Variants in RPGRIP1L observed in about 807,000 individuals in gnomAD.
RPGRIP1L encodes protein fantom.
A neutral mutation model predicts 160.4 loss-of-function variants in RPGRIP1L; 131 were observed. That is an observed-to-expected ratio of 0.82 (90% CI 0.71 to 0.94). RPGRIP1L has a LOEUF of 0.94. RPGRIP1L is among the 40% of genes least tolerant of loss of function. RPGRIP1L has a pLI of 0.00. For synonymous variants in RPGRIP1L, 510 were observed against 515.8 expected (o/e 0.99, Z 0.15); for missense variants, 1,522 against 1,535.8 (o/e 0.99, Z 0.15).
At chr16:53,644,669 C>T (rs983290936) in intron 17 of RPGRIP1L, among the ~76,000 whole-genome samples, 1 of 152,136 alleles carries the variant, frequency 6.6e-6, no homozygotes, top group Non-Finnish European at 1.5e-5. Context: ...GTCTGATGTA[C>T]TCAAAGTGCA....
At chr16:53,644,649 G>C (rs1229419920) in intron 17 of RPGRIP1L, among the ~76,000 whole-genome samples, 1 of 152,206 alleles carries the variant, frequency 6.6e-6, no homozygotes, top group East Asian at 1.9e-4. Context: ...ATGGATGCCA[G>C]AAGTAAGTGG....
intron 22 of RPGRIP1L, among the ~76,000 whole-genome samples, chr16:53,623,045 C>T (rs75524573): frequency 0.051 from 7,760 of 152,176 alleles, 397 homozygotes; most frequent in East Asian, 0.3. Flanking sequence ...CTCAATGATT[C>T]ACTGAATTGT....
Position 53,672,930 on chromosome 16 carries a change from T to C in RPGRIP1L, c.969A>G (p.Lys323=), listed in dbSNP as rs1206054770. ...LNMQLKEQRL[K]CCSLEKQLHS... ...GTAATTGTTTCTCAAGACTGCAGCATTTTAAACGCTGCTCTTTAAGTTGCA... is the reference window on the plus strand; with the variant it reads ...GTAATTGTTTCTCAAGACTGCAGCACTTTAAACGCTGCTCTTTAAGTTGCA... Residue 323 remains lysine (K), a synonymous_variant, in exon 8 of 27, where the codon AAA becomes AAG. Coordinates refer to ENST00000647211, the MANE Select transcript of RPGRIP1L (RefSeq NM_015272.5). The C allele has an allele frequency of 6.2e-7, 1 of 1,613,134 alleles. No homozygotes were observed. The highest frequency in any genetic ancestry group is 1.7e-5 in the Admixed American group (1 of 59,984).
chr16:53,614,974 A>G (rs1000456099), intron 24 of RPGRIP1L, among the ~76,000 whole-genome samples: 6 of 152,256 alleles, frequency 3.9e-5, no homozygotes, highest in African/African-American at 1.4e-4. Context: ...ATATGGCAGA[A>G]GAAATGCAGA....
At chr16:53,605,690 T>C in intron 25 of RPGRIP1L, 76 bp from the exon 26 acceptor site, 5 of 1,442,142 alleles carry the variant, frequency 3.5e-6, no homozygotes, top group Non-Finnish European at 4.9e-6. Flanking sequence ...CCAAATGGGG[T>C]GTTATCACTA....
intron 24 of RPGRIP1L, among the ~76,000 whole-genome samples, chr16:53,617,022 A>C (rs1012591001): frequency 2.1e-5 from 3 of 144,262 alleles, no homozygotes; most frequent in African/African-American, 7.9e-5. Context: ...CAGTAAGCCA[A>C]GATTGTGCCA....
intron 24 of RPGRIP1L, among the ~76,000 whole-genome samples, chr16:53,612,014 GA>G (rs1337693576): frequency 6.6e-6 from 1 of 152,144 alleles, no homozygotes; most frequent in Non-Finnish European, 1.5e-5. Flanking sequence ...CTTTTATGTT[GA>G]AAATGTTTCC....
chr16:53,617,373 G>T (rs1964451156), intron 24 of RPGRIP1L, among the ~76,000 whole-genome samples: 1 of 151,888 alleles, frequency 6.6e-6, no homozygotes, highest in Non-Finnish European at 1.5e-5. Flanking sequence ...TTTTTCTTGG[G>T]GTATCTTTCT....
At chr16:53,602,378 C>T (rs1963423122) in intron 26 of RPGRIP1L, among the ~76,000 whole-genome samples, 190 bp from the exon 27 acceptor site, 1 of 152,102 alleles carries the variant, frequency 6.6e-6, no homozygotes, top group Non-Finnish European at 1.5e-5. Context: ...AGACGTACCG[C>T]ATGGACCTGT....
At chr16:53,672,663 C>G (rs1481869667) in intron 8 of RPGRIP1L, among the ~76,000 whole-genome samples, 1 of 152,142 alleles carries the variant, frequency 6.6e-6, no homozygotes, top group Non-Finnish European at 1.5e-5. Flanking sequence ...TTTGGGTAAA[C>G]AGTGGATCTT....
intron 25 of RPGRIP1L, among the ~76,000 whole-genome samples, 161 bp downstream of exon 25, chr16:53,610,806 A>T (rs1289766686): frequency 1.3e-5 from 2 of 152,204 alleles, no homozygotes; most frequent in Non-Finnish European, 2.9e-5. Context: ...TTCTAGGAGG[A>T]AGGCGATCTA....
chr16:53,661,420 A>G (rs1261187515), intron 10 of RPGRIP1L, among the ~76,000 whole-genome samples: 1 of 152,220 alleles, frequency 6.6e-6, no homozygotes, highest in Non-Finnish European at 1.5e-5. Flanking sequence ...TATGAGATAA[A>G]CTTTTTTGTT....
At position 53,684,972 on chromosome 16, in the gene RPGRIP1L, G is replaced by A. The variant is rs112206035; in HGVS notation, c.776+1461C>T. On this transcript the variant is annotated intron_variant, in intron 6 of 26. Coordinates refer to ENST00000647211, the MANE Select transcript of RPGRIP1L (RefSeq NM_015272.5). ...TTCTGCAATCTATCCATCTGACAAAGGTATAATATCCAGCATCTATAAGGA... is the reference window on the plus strand; with the variant it reads ...TTCTGCAATCTATCCATCTGACAAAAGTATAATATCCAGCATCTATAAGGA... Among the ~76,000 whole-genome samples, 550 of 151,856 alleles carry A rather than the reference G, an allele frequency of 3.6e-3. 4 individuals are homozygous for A. Among genetic ancestry groups the A allele is most frequent in the African/African-American group, 0.013 (528 of 41,404 alleles).
intron 22 of RPGRIP1L, among the ~76,000 whole-genome samples, chr16:53,624,765 C>CT (rs1258418475): frequency 1.4e-5 from 2 of 143,090 alleles, no homozygotes; most frequent in African/African-American, 5.3e-5. Context: ...CCCCCTCCCC[C>CT]TCCCCCTCCC....
At chr16:53,656,450 C>G (rs755084339) in intron 14 of RPGRIP1L, 22 bp downstream of exon 14, 1 of 1,494,788 alleles carries the variant, frequency 6.7e-7, no homozygotes, top group Non-Finnish European at 9.3e-7. Context: ...TACTGTGGAC[C>G]AAAAAATCGT....
At chr16:53,657,327 G>C in intron 13 of RPGRIP1L, 126 bp downstream of exon 13, 1 of 649,604 alleles carries the variant, frequency 1.5e-6, no homozygotes, top group Non-Finnish European at 2.7e-6. Context: ...ACATTCCAGA[G>C]ATGTGATATG....
rs559680210 is a variant in RPGRIP1L at position 53,621,761 on chromosome 16, G to A, written c.3432+458C>T. Among the ~76,000 whole-genome samples, 970 of 152,140 alleles carry A rather than the reference G, an allele frequency of 6.4e-3. 10 individuals carry two copies. The highest frequency in any genetic ancestry group is 0.022 in the African/African-American group (908 of 41,506). ...AACTAGGCCGGGCGCAGTGGCTCAC[G>A]CCTGTAATCCCAGCACTTTGGGAGG... On this transcript the variant is annotated intron_variant, in intron 23 of 26. Coordinates refer to ENST00000647211, the MANE Select transcript of RPGRIP1L (RefSeq NM_015272.5).
At chr16:53,605,426 GT>G (rs759304573) in intron 26 of RPGRIP1L, 54 bp downstream of exon 26, 7 of 1,605,098 alleles carry the variant, frequency 4.4e-6, no homozygotes, top group Non-Finnish European at 6.0e-6. Context: ...TTAATAAAGA[GT>G]TTGGAGTTCA....
chr16:53,646,091 C>T, intron 16 of RPGRIP1L, 88 bp from the exon 17 acceptor site: 1 of 1,244,374 alleles, frequency 8.0e-7, no homozygotes, highest in Non-Finnish European at 1.2e-6. Context: ...ATAATTTTGT[C>T]AATGACAAAA....
Sources: allele counts gnomAD v4.1 joint callset (sites outside exome capture counted in the v4.1 genomes callset), GRCh38; gene constraint gnomAD v4.1.1; transcripts MANE v1.5; gene names NCBI Gene and HGNC (gene_info 2026-07-23, HGNC 2026-07-21).